The following CHD9 variants were observed in gnomAD, a reference collection of about 807,000 sequenced individuals.
CHD9 encodes the protein ATP-dependent chromatin remodeler CHD9.
A neutral mutation model predicts 316.1 loss-of-function variants in CHD9; 77 were observed. The ratio of observed to expected loss-of-function variants is 0.24; its 90% confidence interval spans 0.20 to 0.29. The LOEUF (loss-of-function observed/expected upper bound fraction) is 0.29. Among genes scored for constraint, CHD9 ranks in the 10% least tolerant of loss-of-function variants. The pLI, the probability that CHD9 is intolerant of heterozygous loss-of-function variation, is 1.00. For synonymous variants in CHD9, 1,129 were observed against 1,158.3 expected, an observed-to-expected ratio of 0.97 and a Z score of 0.51; for missense variants, 2,763 against 3,438.1, an observed-to-expected ratio of 0.80 and a Z score of 4.91.
intron 1 of CHD9, among the ~76,000 whole-genome samples, chr16:53,120,578 A>C (rs2038674296): frequency 6.6e-6 from 1 of 152,124 alleles, no homozygotes; most frequent in African/African-American, 2.4e-5. Context: ...GCACCATTGC[A>C]CTCCAGCCTG....
rs549488121 is a variant in CHD9 at position 53,219,325 on chromosome 16, A to G, written c.1785-3319A>G. Among the ~76,000 whole-genome samples, 12 of 152,318 alleles carry G rather than the reference A, an allele frequency of 7.9e-5. No individual in the cohort carries two copies. In the South Asian group the frequency reaches 2.5e-3, roughly 32 times the overall value. On this transcript the variant is annotated intron_variant, in intron 3 of 38. Coordinates refer to ENST00000447540, the MANE Select transcript of CHD9 (RefSeq NM_001308319.2). ...GAAGCGTGGGGAAAAAATCTGAAAT[A>G]GAGATAAGAGATTTGAGGATCTTTA...
At chr16:53,284,926 C>T (rs2053732792) in intron 24 of CHD9, among the ~76,000 whole-genome samples, 1 of 152,066 alleles carries the variant, frequency 6.6e-6, no homozygotes, top group South Asian at 2.1e-4. Context: ...CCACCACGCC[C>T]AGCTAATTTT....
rs1449716280 is a variant in CHD9 at position 53,266,090 on chromosome 16, A to G, written c.4321-1204A>G. Among the ~76,000 whole-genome samples, 3 of 152,154 alleles carry G rather than the reference A, an allele frequency of 2.0e-5. No individual in the cohort carries two copies. The East Asian group carries it at 5.8e-4, about 29-fold the overall frequency. On this transcript the variant is annotated intron_variant, in intron 20 of 38. Coordinates refer to ENST00000447540, the MANE Select transcript of CHD9 (RefSeq NM_001308319.2). ...GGAATGAAGGAAATAAAAAATCACC[A>G]TGAATCAACTGCAGTAATAATTGTA...
At chr16:53,265,179 T>C (rs533449274) in intron 20 of CHD9, among the ~76,000 whole-genome samples, 1 of 152,124 alleles carries the variant, frequency 6.6e-6, no homozygotes, top group African/African-American at 2.4e-5. Context: ...GGCAGGAGGA[T>C]TGGTTGAAGC....
chr16:53,119,382 A>AC lies in CHD9; in HGVS notation c.-164-36544_-164-36543insC, dbSNP rs1007857785. Among the ~76,000 whole-genome samples, 49 of 152,210 alleles carry AC rather than the reference A, an allele frequency of 3.2e-4. No individual in the cohort carries two copies. The Middle Eastern group carries it at 0.01, about 32-fold the overall frequency. On this transcript the variant is annotated intron_variant, in intron 1 of 38. Coordinates refer to ENST00000447540, the MANE Select transcript of CHD9 (RefSeq NM_001308319.2). ...AAAACTCACTGTTATTTAAAAAAAA[A>AC]ACAAAACAAGATTGTGATAATTGTT...
chr16:53,222,877 A>G, intron 4 of CHD9, 122 bp downstream of exon 4: 1 of 556,722 alleles, frequency 1.8e-6, no homozygotes, highest in Non-Finnish European at 3.2e-6. Context: ...GTATGGTAGA[A>G]GTTGAAGGTA....
intron 34 of CHD9, among the ~76,000 whole-genome samples, chr16:53,313,438 T>C (rs1408577558): frequency 6.6e-6 from 1 of 151,910 alleles, no homozygotes; most frequent in East Asian, 2.0e-4. Context: ...CCCAAGTAGC[T>C]CGTATTACAG....
At chr16:53,122,696 C>G (rs572601694) in intron 1 of CHD9, among the ~76,000 whole-genome samples, 1 of 151,816 alleles carries the variant, frequency 6.6e-6, no homozygotes, top group Non-Finnish European at 1.5e-5. Flanking sequence ...AGGTGTGCAC[C>G]ACCACACCCA....
chr16:53,253,934 T>C (rs747673909), intron 17 of CHD9, among the ~76,000 whole-genome samples: 1 of 152,160 alleles, frequency 6.6e-6, no homozygotes, highest in African/African-American at 2.4e-5. Context: ...CCCAGCACTT[T>C]GGGAGGTTGG....
At chr16:53,226,573 C>CTTGCATTGT in intron 5 of CHD9, 61 bp downstream of exon 5, 1 of 1,534,336 alleles carries the variant, frequency 6.5e-7, no homozygotes, top group Non-Finnish European at 8.7e-7. Context: ...TCTATAAATA[C>CTTGCATTGT]TTGCATTGTT....
intron 17 of CHD9, 74 bp downstream of exon 17, chr16:53,250,140 C>A: frequency 2.0e-6 from 2 of 1,016,620 alleles, no homozygotes; most frequent in Non-Finnish European, 1.5e-6. Context: ...TGGTAATCCA[C>A]ATCTTTTATT....
intron 12 of CHD9, among the ~76,000 whole-genome samples, chr16:53,239,915 A>G (rs1161779031): frequency 6.6e-6 from 1 of 152,198 alleles, no homozygotes; most frequent in Non-Finnish European, 1.5e-5. Context: ...AATTAATTAT[A>G]TAGATGCTTA....
chr16:53,268,242 T>G, intron 22 of CHD9, 116 bp downstream of exon 22: 1 of 724,598 alleles, frequency 1.4e-6, no homozygotes, highest in Non-Finnish European at 2.2e-6. Flanking sequence ...AACCTTAACC[T>G]TCACTCCCAA....
chr16:53,119,377 A>G (rs1180432495), intron 1 of CHD9, among the ~76,000 whole-genome samples: 1 of 152,102 alleles, frequency 6.6e-6, no homozygotes, highest in Non-Finnish European at 1.5e-5. Context: ...GTTATTTAAA[A>G]AAAAAACAAA....
At position 53,222,644 on chromosome 16, in the gene CHD9, C is replaced by G; in HGVS notation, c.1785C>G (p.Gly595=). Residue 595 remains glycine, a splice_region_variant and synonymous_variant, in exon 4 of 39, where the codon GGC becomes GGG. Transcript: ENST00000447540. ...TTTTATTCTTTTCCTCTTGAAACAG[C>G]AAACTCATTATTACATTGGGTAAGA... The part of the protein sequence containing the change: ...CSKLKEKTKI[G]KLIITLGKKQ... The G allele has an allele frequency of 7.2e-7, 1 of 1,383,156 alleles. No individual in the cohort carries two copies. The highest frequency in any genetic ancestry group is 1.0e-6 in the Non-Finnish European group (1 of 990,612). 85.7% of individuals were successfully genotyped at this position (1,383,156 alleles called of 1,614,324 possible).
rs113804279 is a variant in CHD9, at chr16:53,262,237, T to A, written c.4210-750T>A. 9.3e-3 allele frequency among the ~76,000 whole-genome samples: 1,415 copies of A among 152,302 alleles called. 22 individuals carry two copies. Among genetic ancestry groups the A allele is most frequent in the African/African-American group, 0.032 (1,334 of 41,584 alleles). On this transcript the variant is annotated intron_variant, in intron 19 of 38. Coordinates refer to ENST00000447540, the MANE Select transcript of CHD9 (RefSeq NM_001308319.2). ...CTTTCATTTTTATAAAGCATTTTGA[T>A]GACATTTTTTGATGAGGCCTATTTA...
chr16:53,092,162 C>G (rs929783810), intron 1 of CHD9, among the ~76,000 whole-genome samples: 2 of 152,204 alleles, frequency 1.3e-5, no homozygotes, highest in Non-Finnish European at 2.9e-5. Context: ...CCTGGGAAGG[C>G]TGGGGGCTGC....
chr16:53,285,511 A>T, intron 24 of CHD9, 85 bp from the exon 25 acceptor site: 1 of 619,660 alleles, frequency 1.6e-6, no homozygotes, highest in Non-Finnish European at 2.7e-6. Flanking sequence ...TGAAAGCCAC[A>T]GTGCTTTAAA....
intron 24 of CHD9, among the ~76,000 whole-genome samples, chr16:53,284,794 T>C (rs913204935): frequency 1.3e-5 from 2 of 152,196 alleles, no homozygotes; most frequent in Non-Finnish European, 2.9e-5. Context: ...AGACAGGGTC[T>C]CATTCCCGCG....
Sources: gnomAD v4.1 joint callset for allele counts (sites outside exome capture counted in the v4.1 genomes callset) on GRCh38, gnomAD v4.1.1 for gene constraint, MANE v1.5 for transcripts, NCBI Gene and HGNC (gene_info 2026-07-23, HGNC 2026-07-21) for gene names.